Variants in CREBRF observed in about 807,000 individuals in gnomAD.
CREBRF encodes CREB3 regulatory factor, also known as UPF0474 protein C5orf41.
A neutral mutation model predicts 66.1 loss-of-function variants in CREBRF; 5 were observed. The ratio of observed to expected loss-of-function variants is 0.08; its 90% CI spans 0.04 to 0.16. CREBRF has a LOEUF of 0.16. Ranked by LOEUF, CREBRF falls within the 10% of genes least tolerant of loss-of-function variation. The probability of loss-of-function intolerance (pLI) is 1.00; values close to 1 mark genes in which losing one functional copy is unlikely to be tolerated. For synonymous variants in CREBRF, 229 were observed against 264.4 expected (o/e 0.87, Z 1.30); for missense variants, 531 against 744.9 (o/e 0.71, Z 3.34).
chr5:173,086,043 A>G (rs761614643), intron 2 of CREBRF: 10 of 1,092,082 alleles, frequency 9.2e-6, no homozygotes, highest in African/African-American at 7.7e-5. Flanking sequence ...GCCCTGCAGT[A>G]TCAAAAATCC....
chr5:173,082,013 T>TGTTTTTTTTTTTTTGTTTG (rs1554123731), intron 2 of CREBRF, among the ~76,000 whole-genome samples: 2,601 of 123,606 alleles, frequency 0.021, 54 homozygotes, highest in Non-Finnish European at 0.035. Context: ...GTTTTTTTTT[T>TGTTTTTTTTTTTTTGTTTG]TTTTTTTTTT....
chr5:173,122,429 G>A (rs1454899498), intron 7 of CREBRF, among the ~76,000 whole-genome samples: 2 of 151,830 alleles, frequency 1.3e-5, no homozygotes, highest in East Asian at 3.9e-4. Flanking sequence ...AAAAACAAGT[G>A]CCACATCATT....
At chr5:173,096,466 C>T (rs1360970429) in intron 4 of CREBRF, among the ~76,000 whole-genome samples, 1 of 124,020 alleles carries the variant, frequency 8.1e-6, no homozygotes, top group African/African-American at 3.0e-5. Context: ...CCTCTCCTCC[C>T]TCCCCTCCCC....
intron 1 of CREBRF, among the ~76,000 whole-genome samples, chr5:173,067,345 G>A (rs73806206): frequency 3.6e-4 from 55 of 152,248 alleles, no homozygotes; most frequent in African/African-American, 1.3e-3. Context: ...TCATAAATAG[G>A]CATTTTGCTA....
rs567394106 is a variant in CREBRF at position 173,131,039 on chromosome 5, G to A, written c.1805-2591G>A. ...AACTTATTTTTATGTTTGTAGAGAC[G>A]GGTTCTTGCTGTGTTGCCCAGGCTA... On this transcript the variant is annotated intron_variant, in intron 8 of 8. Coordinates refer to ENST00000296953, the MANE Select transcript of CREBRF (RefSeq NM_153607.3). 6.2e-4 allele frequency among the ~76,000 whole-genome samples: 95 copies of A among 152,226 alleles called. 1 individual carries two copies. Among genetic ancestry groups the A allele is most frequent in the Non-Finnish European group, 1.2e-3 (82 of 68,018 alleles).
At chr5:173,073,960 C>T (rs948905974) in intron 1 of CREBRF, among the ~76,000 whole-genome samples, 1 of 144,908 alleles carries the variant, frequency 6.9e-6, no homozygotes, top group African/African-American at 2.7e-5. Flanking sequence ...AGCGAGACTC[C>T]GTCTAAAAAA....
intron 7 of CREBRF, among the ~76,000 whole-genome samples, chr5:173,121,686 CT>C (rs1759142935): frequency 6.6e-6 from 1 of 152,042 alleles, no homozygotes; most frequent in Admixed American, 6.6e-5. Context: ...GTTTTTAAAG[CT>C]TTTGTTTTTG....
chr5:173,078,563 CTT>C (rs746897808), intron 1 of CREBRF, among the ~76,000 whole-genome samples: 5 of 142,552 alleles, frequency 3.5e-5, no homozygotes, highest in African/African-American at 5.1e-5. Context: ...TTTTCTTTTT[CTT>C]TTTTTTTTTT....
intron 1 of CREBRF, among the ~76,000 whole-genome samples, chr5:173,074,964 C>T (rs1180401332): frequency 6.6e-6 from 1 of 152,150 alleles, no homozygotes; most frequent in Non-Finnish European, 1.5e-5. Flanking sequence ...GGATAAAAGA[C>T]TATTACATTG....
chr5:173,133,690 A>G lies in CREBRF; in HGVS notation c.1865A>G (p.Glu622Gly). Reference sequence around the variant, plus strand: ...AACCAAGTGTTAGAGAAGACTGCAGAAGGGAATCCCACTGGAGGCCTTGTA... The same window carrying G: ...AACCAAGTGTTAGAGAAGACTGCAGGAGGGAATCCCACTGGAGGCCTTGTA... ...FVNQVLEKTA[E>G]GNPTGGLVGL... Residue 622 changes from glutamate (E) to glycine (G), a missense_variant, in exon 9 of 9, where the codon GAA becomes GGA. Physicochemically the swap from Glu to Gly is moderately conservative, Grantham distance 98. Coordinates refer to ENST00000296953, the MANE Select transcript of CREBRF (RefSeq NM_153607.3). The G allele has an allele frequency of 6.2e-7, 1 of 1,612,980 alleles. No homozygotes were observed. Among genetic ancestry groups the G allele is most frequent in the Non-Finnish European group, 8.5e-7 (1 of 1,179,428 alleles).
chr5:173,097,214 A>G (rs1480983431), intron 4 of CREBRF, among the ~76,000 whole-genome samples: 1 of 152,178 alleles, frequency 6.6e-6, no homozygotes, highest in African/African-American at 2.4e-5. Context: ...AGAATTTACT[A>G]GTGAAGTCAG....
intron 1 of CREBRF, among the ~76,000 whole-genome samples, chr5:173,076,297 GT>G (rs1364442399): frequency 1.3e-5 from 2 of 152,242 alleles, no homozygotes; most frequent in East Asian, 3.9e-4. Flanking sequence ...CTCTTAAAGG[GT>G]CCACCTTCCA....
At chr5:173,112,163 G>C (rs1361115058) in intron 6 of CREBRF, 143 bp from the exon 7 acceptor site, 1 of 491,260 alleles carries the variant, frequency 2.0e-6, no homozygotes, top group Non-Finnish European at 3.6e-6. Context: ...CAGCACTTTA[G>C]GAGGCCAAAA....
Position 173,086,493 on chromosome 5 carries a change from T to C in CREBRF, c.10-8T>C. ...TAACTTTCTAAAATAAAAATCACTC[T>C]GTTGTAGCCTAGTGTAAGCGGAATG... On this transcript the variant is annotated splice_polypyrimidine_tract_variant and splice_region_variant and intron_variant, in intron 2 of 8. Transcript: ENST00000296953. The C allele has an allele frequency of 6.2e-7, 1 of 1,610,064 alleles. No homozygotes were observed.
chr5:173,129,929 G>A (rs867200161), intron 8 of CREBRF, among the ~76,000 whole-genome samples: 2 of 151,878 alleles, frequency 1.3e-5, no homozygotes, highest in African/African-American at 4.8e-5. Flanking sequence ...AGGTTCAAGC[G>A]ATTCTCCTGC....
At chr5:173,131,442 T>C (rs1490633957) in intron 8 of CREBRF, among the ~76,000 whole-genome samples, 1 of 152,184 alleles carries the variant, frequency 6.6e-6, no homozygotes, top group Non-Finnish European at 1.5e-5. Flanking sequence ...CATTTAGTCA[T>C]ATCTCTTCTT....
chr5:173,108,566 G>C, intron 4 of CREBRF, 58 bp from the exon 5 acceptor site: 1 of 1,456,246 alleles, frequency 6.9e-7, no homozygotes, highest in South Asian at 1.2e-5. Context: ...CTTTTCATTT[G>C]TTCTGATTGA....
chr5:173,134,253 A>G lies in CREBRF; in HGVS notation c.*508A>G, dbSNP rs1759536603. On this transcript the variant is annotated 3_prime_UTR_variant, in exon 9 of 9. Coordinates refer to ENST00000296953, the MANE Select transcript of CREBRF (RefSeq NM_153607.3). ...TAGATGTTCATTGTCAGAGCTCAAG[A>G]TGATATATATAAATATATATATATA... 6.8e-6 allele frequency: 1 copy of G among 147,428 alleles called. No individual in the cohort carries two copies. Among genetic ancestry groups the G allele is most frequent in the African/African-American group, 2.5e-5 (1 of 39,486 alleles). The allele number at this position is 147,428 out of a possible 1,614,324, so 9.1% of individuals were successfully genotyped here. A position where few individuals can be genotyped will look rare whatever the true frequency, so the allele number is the denominator to read the frequency against.
At chr5:173,102,972 T>G (rs1758664737) in intron 4 of CREBRF, among the ~76,000 whole-genome samples, 1 of 152,218 alleles carries the variant, frequency 6.6e-6, no homozygotes, top group South Asian at 2.1e-4. Context: ...TGTTGAGAGA[T>G]AAGGAGGTCT....
Sources: allele counts gnomAD v4.1 joint callset (sites outside exome capture counted in the v4.1 genomes callset), GRCh38; gene constraint gnomAD v4.1.1; transcripts MANE v1.5; gene names NCBI Gene and HGNC (gene_info 2026-07-23, HGNC 2026-07-21).